The following ZNF385B variants were observed in gnomAD, a reference collection of about 807,000 sequenced individuals.
The protein encoded by ZNF385B is zinc finger protein 385B, also known as zinc finger protein 533.
ZNF385B carries 23 observed loss-of-function variants against 39.2 expected under a neutral mutation model. That is an observed-to-expected ratio of 0.59 (90% confidence interval 0.42 to 0.83). The LOEUF is 0.83. Among genes scored for constraint, ZNF385B ranks in the 40% least tolerant of loss-of-function variants. ZNF385B has a pLI of 0.00. For synonymous variants in ZNF385B, 205 were observed against 222.6 expected (o/e 0.92, Z 0.70); for missense variants, 552 against 598.9 (o/e 0.92, Z 0.82).
intron 1 of ZNF385B, among the ~76,000 whole-genome samples, chr2:179,848,703 T>G (rs1259361746): frequency 1.3e-5 from 2 of 152,196 alleles, no homozygotes; most frequent in Non-Finnish European, 2.9e-5. Flanking sequence ...TCTCAACCAC[T>G]GTGAAATGGG....
At chr2:179,619,345 C>G (rs1558989630) in intron 3 of ZNF385B, among the ~76,000 whole-genome samples, 2 of 152,170 alleles carry the variant, frequency 1.3e-5, no homozygotes, top group Non-Finnish European at 2.9e-5. Flanking sequence ...AACTGATTCT[C>G]TCAGATTAAT....
At chr2:179,859,640 C>G (rs896535150) in intron 1 of ZNF385B, among the ~76,000 whole-genome samples, 1 of 152,148 alleles carries the variant, frequency 6.6e-6, no homozygotes, top group African/African-American at 2.4e-5. Context: ...CCTCAAATCA[C>G]TTTTGGAAAT....
chr2:179,737,833 C>T (rs1391156149), intron 3 of ZNF385B, among the ~76,000 whole-genome samples: 1 of 152,112 alleles, frequency 6.6e-6, no homozygotes, highest in Non-Finnish European at 1.5e-5. Flanking sequence ...GTAATTTGTC[C>T]ATGATCACAC....
chr2:179,620,421 A>T (rs1690113751), intron 3 of ZNF385B, among the ~76,000 whole-genome samples: 1 of 152,180 alleles, frequency 6.6e-6, no homozygotes, highest in African/African-American at 2.4e-5. Context: ...TATATGAAAA[A>T]GTGCCTGACA....
intron 3 of ZNF385B, among the ~76,000 whole-genome samples, chr2:179,754,586 T>C (rs1702891078): frequency 6.6e-6 from 1 of 152,222 alleles, no homozygotes; most frequent in Non-Finnish European, 1.5e-5. Context: ...TGATAGGCTA[T>C]TAAATATTGC....
chr2:179,786,880 T>C (rs975463695), intron 1 of ZNF385B, among the ~76,000 whole-genome samples: 1 of 152,118 alleles, frequency 6.6e-6, no homozygotes, highest in Non-Finnish European at 1.5e-5. Context: ...CAATTTACAC[T>C]TCTATCAGCA....
intron 1 of ZNF385B, among the ~76,000 whole-genome samples, chr2:179,828,612 A>C (rs1707807696): frequency 6.6e-6 from 1 of 152,182 alleles, no homozygotes; most frequent in South Asian, 2.1e-4. Context: ...ATACCAAGAC[A>C]ATCAAAAAGG....
intron 3 of ZNF385B, among the ~76,000 whole-genome samples, chr2:179,675,534 A>G (rs957828874): frequency 5.3e-5 from 8 of 152,212 alleles, no homozygotes; most frequent in African/African-American, 1.4e-4. Context: ...TTGTTCCTAC[A>G]TCGTCAAATA....
chr2:179,860,008 C>T (rs1456133890), intron 1 of ZNF385B, among the ~76,000 whole-genome samples: 1 of 152,138 alleles, frequency 6.6e-6, no homozygotes, highest in Non-Finnish European at 1.5e-5. Context: ...CATTTCCTAC[C>T]GTTTCATGAA....
chr2:179,556,807 T>C (rs905450954), intron 3 of ZNF385B, among the ~76,000 whole-genome samples: 1 of 148,660 alleles, frequency 6.7e-6, no homozygotes, highest in African/African-American at 2.5e-5. Context: ...ATTTAGGAGG[T>C]GAATAGGGGA....
rs1435745952 is a variant in ZNF385B, at chr2:179,809,150, AT to A, written c.-154-38479del. Among the ~76,000 whole-genome samples, 3 of 152,220 alleles carry A rather than the reference AT, an allele frequency of 2.0e-5. No individual in the cohort carries two copies. The East Asian group carries it at 5.8e-4, about 29-fold the overall frequency. On this transcript the variant is annotated intron_variant, in intron 1 of 9. Transcript: ENST00000410066. The stretch of plus-strand genomic sequence containing the variant: ...AAAAAAAATCACTTAGTATCCATGT[AT>A]TAGTTTACTGGCCCCTTACTCTGTT...
At chr2:179,784,502 C>T (rs1044567325) in intron 1 of ZNF385B, among the ~76,000 whole-genome samples, 2 of 152,024 alleles carry the variant, frequency 1.3e-5, no homozygotes, top group African/African-American at 4.8e-5. Flanking sequence ...ACTGTTGCTT[C>T]ATCTGAATAC....
intron 6 of ZNF385B, among the ~76,000 whole-genome samples, chr2:179,455,009 A>G (rs777505798): frequency 1.3e-5 from 2 of 152,184 alleles, no homozygotes; most frequent in Non-Finnish European, 2.9e-5. Context: ...ATCCTAGTAC[A>G]GTAAGTGTAT....
chr2:179,722,690 A>T (rs559140210), intron 3 of ZNF385B, among the ~76,000 whole-genome samples: 7 of 152,158 alleles, frequency 4.6e-5, no homozygotes, highest in Non-Finnish European at 1.0e-4. Context: ...GAGTATTAAA[A>T]AGCACAATTC....
intron 1 of ZNF385B, among the ~76,000 whole-genome samples, chr2:179,795,078 T>C (rs1705573568): frequency 6.6e-6 from 1 of 152,112 alleles, no homozygotes; most frequent in African/African-American, 2.4e-5. Context: ...TGAAAAATGT[T>C]TTCTAGAGAG....
intron 6 of ZNF385B, among the ~76,000 whole-genome samples, chr2:179,457,579 T>A (rs1043339253): frequency 6.6e-6 from 1 of 152,162 alleles, no homozygotes; most frequent in African/African-American, 2.4e-5. Flanking sequence ...GCCATTCTAG[T>A]GGAGGTGTGG....
At chr2:179,849,938 G>A (rs1302803426) in intron 1 of ZNF385B, among the ~76,000 whole-genome samples, 1 of 152,186 alleles carries the variant, frequency 6.6e-6, no homozygotes, top group Non-Finnish European at 1.5e-5. Flanking sequence ...CACAACCTGT[G>A]AGAAGTCACC....
intron 3 of ZNF385B, among the ~76,000 whole-genome samples, chr2:179,587,579 C>G (rs569448127): frequency 2.0e-5 from 3 of 152,334 alleles, no homozygotes; most frequent in South Asian, 4.1e-4. Context: ...CATTAAAACA[C>G]TGCACAACAA....
chr2:179,473,448 ATTGAGCCAGG>A (rs2053035579), intron 6 of ZNF385B, among the ~76,000 whole-genome samples: 2 of 152,182 alleles, frequency 1.3e-5, no homozygotes, highest in African/African-American at 4.8e-5. Flanking sequence ...CATGACAGGC[ATTGAGCCAGG>A]CAGCTTCCAT....
Sources: allele counts gnomAD v4.1 joint callset (sites outside exome capture counted in the v4.1 genomes callset), GRCh38; gene constraint gnomAD v4.1.1; transcripts MANE v1.5; gene names NCBI Gene and HGNC (gene_info 2026-07-23, HGNC 2026-07-21).